Variants in TNK2 observed in about 807,000 individuals in gnomAD.
The protein encoded by TNK2 is activated CDC42 kinase 1.
In TNK2, 83 loss-of-function variants were observed where a neutral mutation model predicts 101.8. That is an observed-to-expected ratio of 0.82 (90% CI 0.68 to 0.98). The LOEUF is 0.98. TNK2 is among the 50% of genes least tolerant of loss of function. The pLI, the probability that TNK2 is intolerant of heterozygous loss-of-function variation, is 0.00. For synonymous variants in TNK2, 804 were observed against 633.0 expected (o/e 1.27, Z -4.06); for missense variants, 1,665 against 1,483.2 (o/e 1.12, Z -2.01).
At chr3:195,876,024 T>C (rs1428721330) in intron 9 of TNK2, among the ~76,000 whole-genome samples, 1 of 152,144 alleles carries the variant, frequency 6.6e-6, no homozygotes, top group African/African-American at 2.4e-5. Context: ...CGCCCAGGCC[T>C]GGAGGGATAA....
At chr3:195,907,150 T>G (rs1761809108) in intron 1 of TNK2, among the ~76,000 whole-genome samples, 1 of 152,224 alleles carries the variant, frequency 6.6e-6, no homozygotes, top group African/African-American at 2.4e-5. Context: ...TGTGTATGTG[T>G]TTAAAACAGA....
At chr3:195,881,675 T>C (rs73087332) in intron 6 of TNK2, among the ~76,000 whole-genome samples, 893 of 67,888 alleles carry the variant, frequency 0.013, 24 homozygotes, top group African/African-American at 0.045. Context: ...GACACAGCAT[T>C]TATCCCTATA....
At chr3:195,883,622 A>AT (rs900409641) in intron 4 of TNK2, 4,146 of 223,738 alleles carry the variant, frequency 0.019, 1 homozygote, top group South Asian at 0.04. Flanking sequence ...ATAAAATGGA[A>AT]TTTTTTTTTT....
In TNK2 at chr3:195,886,574, T is replaced by G. The variant is rs1755673931; in HGVS notation, c.234+403A>C. ...CAGATGACCAGAGAAACCCAGAGAT[T>G]AGAGAGGGTCAGGGAGGAGGGAAGC... On this transcript the variant is annotated intron_variant, in intron 3 of 15. Coordinates refer to ENST00000672887, the MANE Select transcript of TNK2 (RefSeq NM_001382273.1). This position sits in a 1 kb window ranked among gnomAD's most constrained non-coding sequence, Gnocchi z 4.2. 6.6e-6 allele frequency among the ~76,000 whole-genome samples: 1 copy of G among 151,702 alleles called. No individual in the cohort carries two copies. Among genetic ancestry groups the G allele is most frequent in the African/African-American group, 2.4e-5 (1 of 41,284 alleles).
intron 6 of TNK2, among the ~76,000 whole-genome samples, chr3:195,881,534 ACCCC>A (rs1225160085): frequency 5.3e-5 from 1 of 18,976 alleles, no homozygotes; most frequent in Non-Finnish European, 9.4e-5. Flanking sequence ...TCCCTGTAAC[ACCCC>A]CCCCAGCAAT....
intron 4 of TNK2, chr3:195,884,023 G>A (rs922562314): frequency 3.3e-5 from 5 of 152,404 alleles, no homozygotes; most frequent in African/African-American, 1.2e-4. Flanking sequence ...TGAGGTGCTG[G>A]GAATGCACCG....
chr3:195,899,678 G>A (rs746037473), intron 1 of TNK2, among the ~76,000 whole-genome samples: 3 of 152,142 alleles, frequency 2.0e-5, no homozygotes, highest in Non-Finnish European at 2.9e-5. Flanking sequence ...ATCCTTAAAG[G>A]GTCACTATTC....
chr3:195,867,048 G>C, intron 14 of TNK2, 32 bp from the exon 15 acceptor site: 1 of 1,611,768 alleles, frequency 6.2e-7, no homozygotes, highest in Non-Finnish European at 8.5e-7. Context: ...TGGACACGCG[G>C]GCCCAGGGCA....
chr3:195,895,382 C>G, intron 1 of TNK2: 2 of 1,550,678 alleles, frequency 1.3e-6, no homozygotes, highest in Non-Finnish European at 1.7e-6. Flanking sequence ...GGCAGCGTCA[C>G]TGCCCTGCGT....
intron 2 of TNK2, among the ~76,000 whole-genome samples, chr3:195,887,917 CGTGCGTGCACGTGTGTGCGCATGT>C (rs1560528578): frequency 7.1e-6 from 1 of 141,120 alleles, no homozygotes. Context: ...CACGTGCATG[CGTGCGTGCACGTGTGTGCGCATGT>C]GCGTGTGTGC....
At position 195,878,141 on chromosome 3, in the gene TNK2, A is replaced by G. The variant is rs1282460478; in HGVS notation, c.1256+112T>C. ...ACTGCAGGGTTCAGGCCCAACCGCCAGCCTGTATGTGGCCAAGGGAATCTT... is the reference window on the plus strand; with the variant it reads ...ACTGCAGGGTTCAGGCCCAACCGCCGGCCTGTATGTGGCCAAGGGAATCTT... On this transcript the variant is annotated intron_variant, in intron 9 of 15. Coordinates refer to ENST00000672887, the MANE Select transcript of TNK2 (RefSeq NM_001382273.1). The surrounding 1 kb of genome is among the most constrained non-coding windows in gnomAD (Gnocchi z 4.7). 31 of 1,155,776 alleles carry G rather than the reference A, an allele frequency of 2.7e-5. No homozygotes were observed. Among genetic ancestry groups the G allele is most frequent in the Non-Finnish European group, 3.9e-5 (30 of 776,836 alleles). 71.6% of individuals were successfully genotyped at this position (1,155,776 alleles called of 1,614,324 possible).
chr3:195,906,313 G>A (rs546122777), intron 1 of TNK2, among the ~76,000 whole-genome samples: 6 of 152,220 alleles, frequency 3.9e-5, no homozygotes, highest in South Asian at 4.2e-4. Context: ...CAGCCATTCC[G>A]GTCCTAGGGA....
chr3:195,879,028 G>T, intron 7 of TNK2, 21 bp downstream of exon 7: 1 of 1,611,514 alleles, frequency 6.2e-7, no homozygotes. Context: ...GCCCTATGGG[G>T]GCCCGTCTCC....
At chr3:195,868,879 G>A (rs147097664) in intron 12 of TNK2, 170 bp from the exon 13 acceptor site, 46 of 721,432 alleles carry the variant, frequency 6.4e-5, no homozygotes, top group South Asian at 1.2e-4. Flanking sequence ...GCGCACCTCC[G>A]ACCACTCCAT....
At chr3:195,866,146 T>C (rs1485159635) in intron 15 of TNK2, among the ~76,000 whole-genome samples, 3 of 152,254 alleles carry the variant, frequency 2.0e-5, no homozygotes, top group African/African-American at 7.2e-5. Context: ...TGTCTATATA[T>C]TTTGTTAAAC....
Position 195,867,590 on chromosome 3 carries a change from A to AG in TNK2, c.2707dup (p.Leu903ProfsTer165). The AG allele has an allele frequency of 1.3e-6, 2 of 1,590,150 alleles. No individual in the cohort carries two copies. Among genetic ancestry groups the AG allele is most frequent in the Non-Finnish European group, 1.7e-6 (2 of 1,175,954 alleles). ...TGGGGGCAGCAGCAGAGGCACAGGCAGGGGGGTAGGCTCCTCGGGGCTCTG... is the reference window on the plus strand; with the variant it reads ...TGGGGGCAGCAGCAGAGGCACAGGCAGGGGGGGTAGGCTCCTCGGGGCTCTG... On this transcript the variant is annotated frameshift_variant, in exon 13 of 16. Coordinates refer to ENST00000672887, the MANE Select transcript of TNK2 (RefSeq NM_001382273.1). LOFTEE classifies it high-confidence loss of function.
At chr3:195,903,906 G>A (rs1262779803) in intron 1 of TNK2, among the ~76,000 whole-genome samples, 1 of 152,180 alleles carries the variant, frequency 6.6e-6, no homozygotes, top group Non-Finnish European at 1.5e-5. Flanking sequence ...AAGACTGCAG[G>A]ATTCAAGCTC....
Position 195,878,606 on chromosome 3 carries a change from G to A in TNK2, c.1015-14C>T. ...CTTATGCAGGATCTGAAGGTGAGGA[G>A]GTGCAGAGTTTGACGACAAACAGAG... On this transcript the variant is annotated splice_polypyrimidine_tract_variant and intron_variant, in intron 7 of 15. Transcript: ENST00000672887. This position sits in a 1 kb window ranked among gnomAD's most constrained non-coding sequence, Gnocchi z 4.7. 2 of 1,608,214 alleles carry A rather than the reference G, an allele frequency of 1.2e-6. No individual in the cohort carries two copies. Among genetic ancestry groups the A allele is most frequent in the Non-Finnish European group, 8.5e-7 (1 of 1,176,652 alleles).
chr3:195,907,506 T>C (rs941882295), intron 1 of TNK2, among the ~76,000 whole-genome samples: 37 of 152,176 alleles, frequency 2.4e-4, no homozygotes, highest in African/African-American at 8.9e-4. Flanking sequence ...CCTGCACCCA[T>C]CCCCACCCAG....
Sources: gnomAD v4.1 joint callset for allele counts (sites outside exome capture counted in the v4.1 genomes callset) on GRCh38, gnomAD v4.1.1 for gene constraint, Gnocchi (gnomAD v3.1) non-coding constraint, MANE v1.5 for transcripts, NCBI Gene and HGNC (gene_info 2026-07-23, HGNC 2026-07-21) for gene names.